Variants in ARIH1 observed in about 807,000 individuals in gnomAD.
The protein encoded by ARIH1 is ariadne RBR E3 ubiquitin protein ligase 1.
In ARIH1, 8 loss-of-function variants were observed where a neutral mutation model predicts 85.0. The observed-to-expected ratio is 0.09, with a 90% CI of 0.06 to 0.17. ARIH1 has a LOEUF of 0.17. Among genes scored for constraint, ARIH1 ranks in the 10% least tolerant of loss-of-function variants. The pLI is 1.00. For synonymous variants in ARIH1, 238 were observed against 253.6 expected, an observed-to-expected ratio of 0.94 and a Z score of 0.59; for missense variants, 311 against 718.1, an observed-to-expected ratio of 0.43 and a Z score of 6.48.
intron 2 of ARIH1, among the ~76,000 whole-genome samples, chr15:72,532,081 A>G (rs970728118): frequency 6.6e-6 from 1 of 152,158 alleles, no homozygotes; most frequent in Admixed American, 6.5e-5. Flanking sequence ...CAAAATAAAT[A>G]TAGGGAAAAT....
chr15:72,544,575 C>T (rs1024710635), intron 2 of ARIH1, among the ~76,000 whole-genome samples: 4 of 151,974 alleles, frequency 2.6e-5, no homozygotes, highest in Non-Finnish European at 2.9e-5. Flanking sequence ...CACACACACT[C>T]ATATATATGA....
At chr15:72,575,810 T>G (rs1354834457) in intron 11 of ARIH1, among the ~76,000 whole-genome samples, 2 of 152,324 alleles carry the variant, frequency 1.3e-5, no homozygotes, top group East Asian at 3.9e-4. Context: ...ATAATTTTCC[T>G]GTTCATAAGC....
intron 2 of ARIH1, among the ~76,000 whole-genome samples, chr15:72,531,565 A>C (rs529001677): frequency 2.4e-4 from 36 of 152,246 alleles, no homozygotes; most frequent in Non-Finnish European, 4.4e-4. Context: ...ACTGGGCCTG[A>C]CCAGAAATCC....
intron 1 of ARIH1, among the ~76,000 whole-genome samples, chr15:72,483,560 G>A (rs1317976122): frequency 6.6e-6 from 1 of 152,182 alleles, no homozygotes; most frequent in Non-Finnish European, 1.5e-5. Context: ...GTCTCTCTCT[G>A]TTAAGAGGTA....
intron 1 of ARIH1, among the ~76,000 whole-genome samples, chr15:72,491,760 C>T (rs1341134685): frequency 6.6e-6 from 1 of 152,142 alleles, no homozygotes; most frequent in Non-Finnish European, 1.5e-5. Context: ...AAATAGGTGA[C>T]ATTTTTACTG....
chr15:72,484,634 T>C (rs992746665), intron 1 of ARIH1, among the ~76,000 whole-genome samples: 2 of 151,462 alleles, frequency 1.3e-5, no homozygotes, highest in Non-Finnish European at 2.9e-5. Flanking sequence ...TTCCATCATA[T>C]ATATATATAT....
At chr15:72,554,927 A>AT (rs2064168592) in intron 3 of ARIH1, among the ~76,000 whole-genome samples, 2 of 151,892 alleles carry the variant, frequency 1.3e-5, no homozygotes, top group African/African-American at 2.4e-5. Flanking sequence ...CTCATTTTGT[A>AT]TTTTTTGTAG....
At chr15:72,529,016 C>T (rs2064043200) in intron 2 of ARIH1, among the ~76,000 whole-genome samples, 1 of 151,812 alleles carries the variant, frequency 6.6e-6, no homozygotes, top group Non-Finnish European at 1.5e-5. Flanking sequence ...CTGGCTAACA[C>T]AGTGAAACCC....
At chr15:72,572,352 C>T (rs1407641331) in intron 11 of ARIH1, 187 bp downstream of exon 11, 3 of 449,968 alleles carry the variant, frequency 6.7e-6, no homozygotes, top group Non-Finnish European at 1.2e-5. Context: ...ATTCTCCTGC[C>T]TCAGCCTCCT....
At position 72,589,594 on chromosome 15, in the gene ARIH1, A is replaced by G. The variant is rs1420021221; in HGVS notation, c.*6302A>G. ...GACACATGTAGACAGAACCAATCAG[A>G]TCCATGGGGCAGGATCATCAATACA... On this transcript the variant is annotated 3_prime_UTR_variant, in exon 14 of 14. Coordinates refer to ENST00000379887, the MANE Select transcript of ARIH1 (RefSeq NM_005744.5). The G allele has an allele frequency of 6.6e-6, 1 of 152,222 alleles. No homozygotes were observed. Among genetic ancestry groups the G allele is most frequent in the African/African-American group, 2.4e-5 (1 of 41,462 alleles). The allele number at this position is 152,222 out of a possible 1,614,324, so 9.4% of individuals were successfully genotyped here.
At chr15:72,481,847 T>G (rs1022876620) in intron 1 of ARIH1, among the ~76,000 whole-genome samples, 5 of 152,190 alleles carry the variant, frequency 3.3e-5, no homozygotes, top group African/African-American at 1.2e-4. Flanking sequence ...TTTTCTTTTC[T>G]TTTTTGGAGA....
intron 2 of ARIH1, among the ~76,000 whole-genome samples, chr15:72,544,612 AAT>A (rs111299421): frequency 6.0e-5 from 9 of 149,800 alleles, no homozygotes; most frequent in East Asian, 3.9e-4. Flanking sequence ...TGCTGTTTGC[AAT>A]ATATATATAT....
intron 5 of ARIH1, among the ~76,000 whole-genome samples, chr15:72,560,165 C>T (rs893350339): frequency 7.2e-5 from 11 of 152,118 alleles, no homozygotes; most frequent in Non-Finnish European, 1.2e-4. Flanking sequence ...GCGTACTGGA[C>T]ACCTGGGGAT....
At chr15:72,570,055 A>G (rs1218750401) in intron 9 of ARIH1, 122 bp from the exon 10 acceptor site, 8 of 1,087,348 alleles carry the variant, frequency 7.4e-6, no homozygotes, top group African/African-American at 4.8e-5. Flanking sequence ...AGTGCTTTAT[A>G]TGTATTAACC....
intron 9 of ARIH1, among the ~76,000 whole-genome samples, chr15:72,569,525 G>A (rs976708630): frequency 1.3e-5 from 2 of 152,084 alleles, no homozygotes; most frequent in African/African-American, 4.8e-5. Flanking sequence ...ATCCTGACTT[G>A]ACTTATGTGA....
chr15:72,533,984 TTATCAC>T (rs2064069796), intron 2 of ARIH1, among the ~76,000 whole-genome samples: 2 of 152,138 alleles, frequency 1.3e-5, no homozygotes. Context: ...ACCCAGATGT[TTATCAC>T]TATTACACTA....
intron 11 of ARIH1, among the ~76,000 whole-genome samples, chr15:72,573,753 C>T (rs1228896847): frequency 6.6e-6 from 1 of 151,798 alleles, no homozygotes; most frequent in African/African-American, 2.4e-5. Flanking sequence ...TGTGCTCTTG[C>T]ACAATTCTAC....
chr15:72,522,192 A>G (rs546362624), intron 2 of ARIH1, among the ~76,000 whole-genome samples: 1 of 152,186 alleles, frequency 6.6e-6, no homozygotes, highest in Non-Finnish European at 1.5e-5. Context: ...TTACAGTCTT[A>G]AGGGTTTTTA....
intron 2 of ARIH1, among the ~76,000 whole-genome samples, chr15:72,519,032 A>T (rs986136773): frequency 9.9e-5 from 15 of 152,204 alleles, no homozygotes; most frequent in African/African-American, 3.6e-4. Flanking sequence ...GACAGTATTA[A>T]TGTCATTCTT....
Sources: gnomAD v4.1 joint callset for allele counts (sites outside exome capture counted in the v4.1 genomes callset) on GRCh38, gnomAD v4.1.1 for gene constraint, MANE v1.5 for transcripts, NCBI Gene and HGNC (gene_info 2026-07-23, HGNC 2026-07-21) for gene names.